NCOR2: variants seen among roughly 807,000 people sequenced by gnomAD.
The protein encoded by NCOR2 is CTG repeat protein 26.
A neutral mutation model predicts 262.9 loss-of-function variants in NCOR2; 81 were observed. The ratio of observed to expected loss-of-function variants is 0.31; its 90% CI spans 0.26 to 0.37. NCOR2 has a LOEUF of 0.37. Ranked by LOEUF, NCOR2 falls within the 10% of genes least tolerant of loss-of-function variation. NCOR2 has a pLI of 1.00. For missense variants in NCOR2, 3,385 were observed against 3,621.4 expected, an observed-to-expected ratio of 0.93 and a Z score of 1.68; for synonymous variants, 1,659 against 1,559.3, an observed-to-expected ratio of 1.06 and a Z score of -1.51.
At chr12:124,439,415 AG>A (rs2044679129) in intron 7 of NCOR2, among the ~76,000 whole-genome samples, 1 of 13,176 alleles carries the variant, frequency 7.6e-5, no homozygotes, top group Non-Finnish European at 2.1e-4. Context: ...ACAGAGACCC[AG>A]AGAGAGAGAG....
At chr12:124,386,671 C>A (rs1376939540) in intron 16 of NCOR2, among the ~76,000 whole-genome samples, 4 of 152,200 alleles carry the variant, frequency 2.6e-5, no homozygotes, top group African/African-American at 9.6e-5. Flanking sequence ...AGGTCTCAGG[C>A]CAGAACCAGA....
chr12:124,534,796 G>A (rs921555250), intron 1 of NCOR2, among the ~76,000 whole-genome samples: 1 of 152,176 alleles, frequency 6.6e-6, no homozygotes, highest in Non-Finnish European at 1.5e-5. Context: ...ACCAACCTGT[G>A]CCTCAGTTTC....
intron 1 of NCOR2, among the ~76,000 whole-genome samples, chr12:124,501,060 GCGCACACACACACA>G (rs1429294433): frequency 3.3e-4 from 16 of 48,824 alleles, no homozygotes; most frequent in African/African-American, 7.7e-4. Context: ...GCGCGCACGC[GCGCACACACACACA>G]CACACACACA....
exon 32 of NCOR2, chr12:124,344,637 C>T (rs1419780902): frequency 6.1e-6 from 9 of 1,473,416 alleles, no homozygotes; most frequent in African/African-American, 2.8e-5. Flanking sequence ...TGGTCACGGG[C>T]GAACCTCGTG....
At chr12:124,375,813 G>A (rs2039947149) in intron 18 of NCOR2, among the ~76,000 whole-genome samples, 1 of 152,192 alleles carries the variant, frequency 6.6e-6, no homozygotes, top group Non-Finnish European at 1.5e-5. Flanking sequence ...CTGGGCCAGG[G>A]TATCACTCCC....
intron 1 of NCOR2, among the ~76,000 whole-genome samples, chr12:124,564,395 C>G (rs1039258478): frequency 1.3e-5 from 2 of 152,042 alleles, no homozygotes; most frequent in African/African-American, 4.8e-5. Flanking sequence ...GTTACCAGCT[C>G]CCACCGGCAG....
Position 124,363,807 on chromosome 12 carries a change from C to G in NCOR2, c.2808-8G>C. On this transcript the variant is annotated splice_region_variant and splice_polypyrimidine_tract_variant and intron_variant, in intron 20 of 46. Transcript: ENST00000405201. ...GGCCTTGGGGACAGCAGCCTGCGGG[C>G]ACACGAGCACCATCAGCTGGGGGCC... The G allele has an allele frequency of 7.5e-7, 1 of 1,339,100 alleles. No individual in the cohort carries two copies. The highest frequency in any genetic ancestry group is 1.5e-5 in the African/African-American group (1 of 66,728). The allele number at this position is 1,339,100 out of a possible 1,614,324, so 83.0% of individuals were successfully genotyped here. A position where few individuals can be genotyped will look rare whatever the true frequency, so the allele number is the denominator to read the frequency against.
chr12:124,341,681 C>G, intron 34 of NCOR2, 142 bp downstream of exon 36: 1 of 1,312,920 alleles, frequency 7.6e-7, no homozygotes, highest in Non-Finnish European at 1.0e-6. Flanking sequence ...CGCACAACCC[C>G]AGGCCACCCA....
Position 124,334,413 on chromosome 12 carries a change from C to T in NCOR2, c.6605+11G>A, listed in dbSNP as rs1350329460. The stretch of plus-strand genomic sequence containing the variant: ...GCTGACCAGCAAGAGGCACCCCCAT[C>T]CCTCGCTCACCTCTTGCCCCCTTCG... On this transcript the variant is annotated intron_variant, in intron 41 of 46. Transcript: ENST00000405201. The T allele has an allele frequency of 6.6e-7, 1 of 1,522,480 alleles. No individual in the cohort carries two copies. 94.3% of individuals were successfully genotyped at this position (1,522,480 alleles called of 1,614,324 possible).
intron 19 of NCOR2, 44 bp downstream of exon 21, chr12:124,374,369 C>T (rs2039812448): frequency 1.9e-6 from 3 of 1,599,304 alleles, no homozygotes; most frequent in African/African-American, 1.3e-5. Context: ...GGATGCCCGC[C>T]CCGGCCCGGC....
chr12:124,366,154 C>T (rs933182067), intron 20 of NCOR2, among the ~76,000 whole-genome samples: 7 of 152,166 alleles, frequency 4.6e-5, no homozygotes, highest in Non-Finnish European at 7.3e-5. Context: ...ACTGCAGCAC[C>T]GCCCAGCGCA....
chr12:124,400,693 G>A lies in NCOR2; in HGVS notation c.1641-20C>T. ...TTCTCCCTACAGGCCAGAGAGGGGA[G>A]ATAGGATGGCTTCACCCGAGCCGGG... On this transcript the variant is annotated intron_variant, in intron 14 of 46. Coordinates refer to ENST00000405201, the Ensembl canonical transcript of NCOR2. The A allele has an allele frequency of 6.2e-7, 1 of 1,610,558 alleles. No homozygotes were observed.
At chr12:124,415,374 G>A (rs78125521) in intron 13 of NCOR2, among the ~76,000 whole-genome samples, 175 of 152,366 alleles carry the variant, frequency 1.1e-3, no homozygotes, top group African/African-American at 3.9e-3. Flanking sequence ...GGCAGTCACT[G>A]CATCTCCACT....
chr12:124,462,108 C>G (rs570755593), intron 5 of NCOR2, among the ~76,000 whole-genome samples: 1 of 152,334 alleles, frequency 6.6e-6, no homozygotes. Context: ...CACAGCCATC[C>G]AAAGGCACAC....
intron 37 of NCOR2, chr12:124,337,415 T>C (rs1024098918): frequency 2.9e-6 from 2 of 694,558 alleles, no homozygotes; most frequent in Non-Finnish European, 5.2e-6. Flanking sequence ...AGCTACTAGG[T>C]GCCAGGCACT....
chr12:124,560,732 CG>C (rs1391696203), intron 1 of NCOR2, among the ~76,000 whole-genome samples: 16 of 152,082 alleles, frequency 1.1e-4, no homozygotes, highest in African/African-American at 3.9e-4. Flanking sequence ...GTGACTGCCT[CG>C]GGGAACAGAA....
chr12:124,394,172 C>A (rs2041507534), intron 16 of NCOR2, among the ~76,000 whole-genome samples: 1 of 152,246 alleles, frequency 6.6e-6, no homozygotes, highest in African/African-American at 2.4e-5. Flanking sequence ...TAGCGGCCTG[C>A]CATTTCTGAG....
At chr12:124,382,009 G>A (rs142678307) in intron 17 of NCOR2, among the ~76,000 whole-genome samples, 4 of 152,214 alleles carry the variant, frequency 2.6e-5, no homozygotes, top group Admixed American at 1.3e-4. Context: ...GGCGGGAGGG[G>A]ACACCCACTG....
intron 39 of NCOR2, 37 bp downstream of exon 41, chr12:124,335,446 C>CA (rs1221458712): frequency 6.3e-7 from 1 of 1,588,522 alleles, no homozygotes; most frequent in East Asian, 2.2e-5. Flanking sequence ...CCTCACTGTG[C>CA]AGGGCTTCGG....
Sources: gnomAD v4.1 joint callset for allele counts (sites outside exome capture counted in the v4.1 genomes callset) on GRCh38, gnomAD v4.1.1 for gene constraint, MANE v1.5 for transcripts, NCBI Gene and HGNC (gene_info 2026-07-23, HGNC 2026-07-21) for gene names.